The following HTN1 variants were observed in gnomAD, a reference collection of about 807,000 sequenced individuals.
HTN1 encodes histatin 1.
In HTN1, 18 loss-of-function variants were observed where a neutral mutation model predicts 11.2. That is an observed-to-expected ratio of 1.61 (90% CI 1.12 to 2.39). The LOEUF (loss-of-function observed/expected upper bound fraction) is 2.39. Ranked by LOEUF, HTN1 falls within the 30% of genes most tolerant of loss-of-function variation. The pLI, the probability that HTN1 is intolerant of heterozygous loss-of-function variation, is 0.00. For synonymous variants in HTN1, 21 were observed against 20.5 expected (o/e 1.02, Z -0.07); for missense variants, 80 against 67.2 (o/e 1.19, Z -0.67).
At position 70,053,084 on chromosome 4, in the gene HTN1, T is replaced by A; in HGVS notation, c.8T>A (p.Phe3Tyr). 1 of 1,609,268 alleles carries A rather than the reference T, an allele frequency of 6.2e-7. No homozygotes were observed. The part of the protein sequence containing the change: MK[F>Y]FVFALVLALM... ...TATAGGACTCAGCCAACTATGAAGT[T>A]TTTTGTCTTTGCTTTAGTCTTGGCT... is the stretch of plus-strand genomic sequence containing the variant. Residue 3 changes from phenylalanine to tyrosine, a missense_variant, in exon 2 of 6, where the codon TTT (phenylalanine) becomes TAT (tyrosine). Transcript: ENST00000246896.
intron 3 of HTN1, 27 bp downstream of exon 3, chr4:70,054,369 C>A: frequency 6.5e-7 from 1 of 1,544,618 alleles, no homozygotes; most frequent in Admixed American, 1.8e-5. Flanking sequence ...TACGGGAAAA[C>A]TTGATAAATA....
chr4:70,055,807 T>TC (rs112219863), intron 5 of HTN1: 6,852 of 407,456 alleles, frequency 0.017, 406 homozygotes, highest in African/African-American at 0.13. Flanking sequence ...GGTCTGTATG[T>TC]TGTTTTGGTA....
chr4:70,052,958 C>T lies in HTN1; in HGVS notation c.-13-106C>T, dbSNP rs546905732. ...TGCCCCTGCACTCCAGCCTGGAAAA[C>T]AGAGCATGTCTCCCAATGCTTTGAA... On this transcript the variant is annotated intron_variant, in intron 1 of 5. Coordinates refer to ENST00000246896, the MANE Select transcript of HTN1 (RefSeq NM_002159.4). The T allele has an allele frequency of 4.1e-6, 3 of 730,326 alleles. 1 individual carries two copies. In the South Asian group the frequency reaches 4.7e-5, roughly 12 times the overall value. 45.2% of individuals were successfully genotyped at this position (730,326 alleles called of 1,614,324 possible). A position where few individuals can be genotyped will look rare whatever the true frequency, so the allele number is the denominator to read the frequency against.
intron 1 of HTN1, among the ~76,000 whole-genome samples, chr4:70,052,436 C>T (rs1202178919): frequency 6.6e-6 from 1 of 152,082 alleles, no homozygotes; most frequent in African/African-American, 2.4e-5. Context: ...CAGTTTTGTC[C>T]TCCCTATGTG....
chr4:70,058,155 G>A (rs190067357), intron 5 of HTN1: 103 of 152,114 alleles, frequency 6.8e-4, no homozygotes, highest in East Asian at 4.6e-3. Context: ...TTAATGTATT[G>A]GGACATTTTA....
At chr4:70,051,811 G>C (rs1406430371) in intron 1 of HTN1, among the ~76,000 whole-genome samples, 2 of 152,002 alleles carry the variant, frequency 1.3e-5, no homozygotes, top group African/African-American at 2.4e-5. Context: ...ATTATAATTA[G>C]ATGAAAAATG....
intron 5 of HTN1, 151 bp from the exon 6 acceptor site, chr4:70,058,429 A>G (rs1299829257): frequency 6.6e-6 from 1 of 152,110 alleles, no homozygotes; most frequent in Non-Finnish European, 1.5e-5. Flanking sequence ...TGAGTATTTA[A>G]TTGTCTACTC....
At chr4:70,056,222 A>T (rs543415065) in intron 5 of HTN1, 1 of 152,052 alleles carries the variant, frequency 6.6e-6, no homozygotes, top group South Asian at 2.1e-4. Context: ...ATGGGAGTTC[A>T]TTCATGATTT....
chr4:70,055,510 T>C lies in HTN1; in HGVS notation c.115T>C (p.Ser39Pro), dbSNP rs61744465. The C allele has an allele frequency of 3.9e-3, 6,224 of 1,594,436 alleles. 184 individuals carry two copies. In the African/African-American group the frequency reaches 0.071, roughly 18 times the overall value. The change falls in exon 5 of 6, where the codon TCA becomes CCA. Residue 39 changes from serine to proline, a missense_variant. Coordinates refer to ENST00000246896, the MANE Select transcript of HTN1 (RefSeq NM_002159.4). ...YRRKFHEKHH[S>P]HREFPFYGDY... The stretch of plus-strand genomic sequence containing the variant: ...TGTGTGTATGCAGGAAAAGCATCAT[T>C]CACATCGAGAATTTCCATTTTATGG...
rs775815012 is a variant in HTN1, at chr4:70,055,526, C to A, written c.131C>A (p.Pro44Gln). 6.3e-7 allele frequency: 1 copy of A among 1,598,954 alleles called. No individual in the cohort carries two copies. The highest frequency in any genetic ancestry group is 1.7e-5 in the Admixed American group (1 of 59,796). Residue 44 changes from proline to glutamine, a missense_variant, in exon 5 of 6, where the codon CCA becomes CAA. Pro to Gln is a moderately conservative substitution (Grantham distance 76). Transcript: ENST00000246896. ...AAGCATCATTCACATCGAGAATTTC[C>A]ATTTTATGGGGACTATGGATCAAAT... The part of the protein sequence containing the change: ...HEKHHSHREF[P>Q]FYGDYGSNYL...
At chr4:70,052,026 T>A (rs1725907427) in intron 1 of HTN1, among the ~76,000 whole-genome samples, 1 of 152,190 alleles carries the variant, frequency 6.6e-6, no homozygotes, top group Admixed American at 6.6e-5. Flanking sequence ...TACTTTTTTA[T>A]ATCTGCAAAG....
At chr4:70,057,117 C>G (rs1347971988) in intron 5 of HTN1, 3 of 152,170 alleles carry the variant, frequency 2.0e-5, no homozygotes, top group Non-Finnish European at 4.4e-5. Flanking sequence ...TTTACAATAG[C>G]AAAGACATGG....
chr4:70,054,496 C>T (rs772292651), intron 4 of HTN1, 46 bp downstream of exon 4: 2 of 1,220,046 alleles, frequency 1.6e-6, no homozygotes, highest in Non-Finnish European at 2.4e-6. Context: ...ATTTTCCTCT[C>T]TGACTATTTA....
intron 1 of HTN1, among the ~76,000 whole-genome samples, chr4:70,051,467 T>C (rs990793305): frequency 6.6e-6 from 1 of 152,130 alleles, no homozygotes; most frequent in Non-Finnish European, 1.5e-5. Flanking sequence ...ATATTGATTA[T>C]CTATGTTCGT....
rs1427689522 is a variant in HTN1, at chr4:70,058,577, C to T, written c.*34-3C>T. 5 of 152,056 alleles carry T rather than the reference C, an allele frequency of 3.3e-5. No homozygotes were observed. The highest frequency in any genetic ancestry group is 1.9e-4 in the East Asian group (1 of 5,198). The allele number at this position is 152,056 out of a possible 1,614,324, so 9.4% of individuals were successfully genotyped here. A position where few individuals can be genotyped will look rare whatever the true frequency, so the allele number is the denominator to read the frequency against. On this transcript the variant is annotated splice_region_variant and splice_polypyrimidine_tract_variant and intron_variant, in intron 5 of 5. Transcript: ENST00000246896. ...TAAAGTGTTATTTTCTTTTTCTTCA[C>T]AGGTTTGACTGGCAAATTCACTTTT...
intron 1 of HTN1, among the ~76,000 whole-genome samples, chr4:70,052,387 C>T (rs1725916874): frequency 6.6e-6 from 1 of 152,076 alleles, no homozygotes; most frequent in East Asian, 1.9e-4. Flanking sequence ...ATATAAGTCC[C>T]CTGTAGTGTC....
chr4:70,050,500 T>C lies in HTN1; in HGVS notation c.-14+5T>C, dbSNP rs1344770335. ...GACTCTCCTCTTGAGTAAAAGGTAA[T>C]ATGTTCAAGTACAATCTAATATTAT... On this transcript the variant is annotated splice_donor_5th_base_variant and intron_variant, in intron 1 of 5. Coordinates refer to ENST00000246896, the MANE Select transcript of HTN1 (RefSeq NM_002159.4). 6.6e-6 allele frequency: 1 copy of C among 152,286 alleles called. No individual in the cohort carries two copies. Among genetic ancestry groups the C allele is most frequent in the East Asian group, 1.9e-4 (1 of 5,184 alleles). 9.4% of individuals were successfully genotyped at this position (152,286 alleles called of 1,614,324 possible).
intron 4 of HTN1, 115 bp downstream of exon 4, chr4:70,054,565 G>A: frequency 1.5e-6 from 1 of 689,076 alleles, no homozygotes; most frequent in South Asian, 2.0e-5. Flanking sequence ...AATTGCTAAA[G>A]TGCACATTGA....
In HTN1 at chr4:70,055,532, A is replaced by C. The variant is rs1407584151; in HGVS notation, c.137A>C (p.Tyr46Ser). ...CATTCACATCGAGAATTTCCATTTT[A>C]TGGGGACTATGGATCAAATTATCTA... ...KHHSHREFPF[Y>S]GDYGSNYLYD... Residue 46 changes from tyrosine to serine, a missense_variant, in exon 5 of 6, where the codon TAT (tyrosine) becomes TCT (serine). Transcript: ENST00000246896. The C allele has an allele frequency of 6.3e-7, 1 of 1,597,936 alleles. No homozygotes were observed. The highest frequency in any genetic ancestry group is 1.3e-5 in the African/African-American group (1 of 74,402).
Sources: gnomAD v4.1 joint callset for allele counts (sites outside exome capture counted in the v4.1 genomes callset) on GRCh38, gnomAD v4.1.1 for gene constraint, MANE v1.5 for transcripts, NCBI Gene and HGNC (gene_info 2026-07-23, HGNC 2026-07-21) for gene names.